FANK1: variants seen among roughly 807,000 people sequenced by gnomAD.
FANK1 encodes fibronectin type 3 and ankyrin repeat domains protein 1.
A neutral mutation model predicts 45.3 loss-of-function variants in FANK1; 44 were observed. The ratio of observed to expected loss-of-function variants is 0.97; its 90% CI spans 0.76 to 1.25. FANK1 has a LOEUF of 1.25. Among genes scored for constraint, FANK1 ranks in the 50% most tolerant of loss-of-function variants. The pLI, the probability that FANK1 is intolerant of heterozygous loss-of-function variation, is 0.00. For missense variants in FANK1, 391 were observed against 424.4 expected, an observed-to-expected ratio of 0.92 and a Z score of 0.69; for synonymous variants, 149 against 152.5, an observed-to-expected ratio of 0.98 and a Z score of 0.17.
chr10:125,916,496 T>A (rs1946457269), intron 1 of FANK1, among the ~76,000 whole-genome samples: 1 of 152,122 alleles, frequency 6.6e-6, no homozygotes, highest in Non-Finnish European at 1.5e-5. Context: ...TATGTCTATT[T>A]GATATAAAAA....
chr10:126,008,290 T>C (rs1953386261), intron 7 of FANK1, 117 bp from the exon 8 acceptor site: 5 of 1,376,088 alleles, frequency 3.6e-6, no homozygotes, highest in Non-Finnish European at 3.9e-6. Flanking sequence ...GAACCAAATA[T>C]AGAAAGACGG....
intron 3 of FANK1, chr10:125,989,168 C>T (rs1951763832): frequency 1.1e-6 from 1 of 889,466 alleles, no homozygotes; most frequent in East Asian, 2.7e-5. Context: ...ACGGAGAATC[C>T]TGTGAGGGAG....
chr10:125,939,439 T>C (rs1169528468), intron 1 of FANK1, among the ~76,000 whole-genome samples: 2 of 152,220 alleles, frequency 1.3e-5, no homozygotes, highest in Non-Finnish European at 1.5e-5. Flanking sequence ...TTATGATATT[T>C]GTAACTTAAA....
At chr10:125,961,854 G>A (rs1005206994) in intron 1 of FANK1, among the ~76,000 whole-genome samples, 23 of 152,168 alleles carry the variant, frequency 1.5e-4, no homozygotes, top group African/African-American at 5.3e-4. Context: ...TCAGGCAGGT[G>A]GATCACTTGA....
intron 1 of FANK1, among the ~76,000 whole-genome samples, chr10:125,934,761 T>G (rs1022526730): frequency 2.1e-4 from 18 of 85,598 alleles, no homozygotes; most frequent in Non-Finnish European, 2.8e-4. Flanking sequence ...TTTTTTTTTT[T>G]GCAAATCACG....
At chr10:125,919,195 ATTTTTTTTTTTTTT>A (rs142716284) in intron 1 of FANK1, among the ~76,000 whole-genome samples, 5 of 51,860 alleles carry the variant, frequency 9.6e-5, no homozygotes, top group African/African-American at 2.4e-4. Context: ...GGAGGTAAGA[ATTTTTTTTTTTTTT>A]TTTTTTTTTT....
At position 125,928,825 on chromosome 10, in the gene FANK1, A is replaced by C. The variant is rs148351344; in HGVS notation, c.13+32170A>C. Among the ~76,000 whole-genome samples, 103 of 152,298 alleles carry C rather than the reference A, an allele frequency of 6.8e-4. No individual in the cohort carries two copies. The South Asian group carries it at 9.3e-3, about 14-fold the overall frequency. ...TTGGGTTACCTGTCTTCTTGTTTAAAATTACTGATTTGTAGGAATTCTTAT... is the reference window on the plus strand; with the variant it reads ...TTGGGTTACCTGTCTTCTTGTTTAACATTACTGATTTGTAGGAATTCTTAT... On this transcript the variant is annotated intron_variant, in intron 1 of 10. Coordinates refer to ENST00000368693, the MANE Select transcript of FANK1 (RefSeq NM_145235.5).
chr10:125,931,527 G>T (rs1019630508), intron 1 of FANK1, among the ~76,000 whole-genome samples: 2 of 152,072 alleles, frequency 1.3e-5, no homozygotes, highest in African/African-American at 4.8e-5. Flanking sequence ...TTTGAGAATT[G>T]TCTATTCATG....
chr10:125,897,546 A>T (rs1407417740), intron 1 of FANK1, among the ~76,000 whole-genome samples: 2 of 152,296 alleles, frequency 1.3e-5, no homozygotes, highest in Non-Finnish European at 2.9e-5. Flanking sequence ...GAAATGAAGA[A>T]CTCAGACCAA....
At chr10:125,921,541 T>C (rs1946946030) in intron 1 of FANK1, among the ~76,000 whole-genome samples, 1 of 152,242 alleles carries the variant, frequency 6.6e-6, no homozygotes, top group African/African-American at 2.4e-5. Context: ...ACTAAGGGTG[T>C]AGGATTGCTG....
chr10:125,939,617 C>A (rs887654694), intron 1 of FANK1, among the ~76,000 whole-genome samples: 1 of 152,098 alleles, frequency 6.6e-6, no homozygotes, highest in African/African-American at 2.4e-5. Context: ...AGTGACTAAT[C>A]CCCGTATCTC....
chr10:125,919,130 G>A (rs1350172202), intron 1 of FANK1, among the ~76,000 whole-genome samples: 1 of 150,684 alleles, frequency 6.6e-6, no homozygotes, highest in Non-Finnish European at 1.5e-5. Context: ...CTAATGCATT[G>A]GCCTGGGGAA....
intron 1 of FANK1, among the ~76,000 whole-genome samples, chr10:125,967,841 G>A (rs926050432): frequency 1.3e-4 from 20 of 152,130 alleles, no homozygotes; most frequent in Non-Finnish European, 2.6e-4. Flanking sequence ...TTTATTTTTT[G>A]ATTTCTGAAT....
Position 125,970,314 on chromosome 10 carries a change from C to T in FANK1, c.14-9847C>T, listed in dbSNP as rs534416639. Among the ~76,000 whole-genome samples, 24 of 151,780 alleles carry T rather than the reference C, an allele frequency of 1.6e-4. No homozygotes were observed. The South Asian group carries it at 2.5e-3, about 16-fold the overall frequency. Reference sequence around the variant, plus strand: ...GCCCCCTGCCTCCCAGACGGGGCGGCGGCCGGGCGGAGGCGCTCCTCACCT... The same window carrying T: ...GCCCCCTGCCTCCCAGACGGGGCGGTGGCCGGGCGGAGGCGCTCCTCACCT... On this transcript the variant is annotated intron_variant, in intron 1 of 10. Coordinates refer to ENST00000368693, the MANE Select transcript of FANK1 (RefSeq NM_145235.5).
intron 1 of FANK1, among the ~76,000 whole-genome samples, chr10:125,963,978 G>A (rs1014667665): frequency 1.3e-5 from 2 of 151,906 alleles, no homozygotes; most frequent in Non-Finnish European, 2.9e-5. Context: ...ACAAAAAAAA[G>A]GAGAGAAATA....
intron 1 of FANK1, among the ~76,000 whole-genome samples, chr10:125,914,185 T>C (rs958979233): frequency 3.3e-5 from 5 of 151,944 alleles, no homozygotes; most frequent in Admixed American, 2.6e-4. Context: ...ACATAGGATA[T>C]GTTAAGTGAT....
intron 1 of FANK1, among the ~76,000 whole-genome samples, chr10:125,953,655 C>G (rs1332619845): frequency 6.6e-6 from 1 of 152,156 alleles, no homozygotes; most frequent in African/African-American, 2.4e-5. Flanking sequence ...AGCCAGAGGG[C>G]CAGAATGCCT....
intron 1 of FANK1, among the ~76,000 whole-genome samples, chr10:125,905,925 T>C (rs1028475081): frequency 5.9e-5 from 9 of 152,302 alleles, no homozygotes; most frequent in African/African-American, 2.2e-4. Flanking sequence ...TAAAATCACC[T>C]AGAGCTTTGG....
intron 2 of FANK1, among the ~76,000 whole-genome samples, chr10:125,982,154 A>G (rs892708231): frequency 2.6e-5 from 4 of 152,244 alleles, no homozygotes; most frequent in Admixed American, 2.6e-4. Context: ...AGAAAGAAAA[A>G]GACATCTTTC....
Sources: allele counts gnomAD v4.1 joint callset (sites outside exome capture counted in the v4.1 genomes callset), GRCh38; gene constraint gnomAD v4.1.1; transcripts MANE v1.5; gene names NCBI Gene and HGNC (gene_info 2026-07-23, HGNC 2026-07-21).